SMCHD1: variants seen among roughly 807,000 people sequenced by gnomAD.
SMCHD1 encodes the protein structural maintenance of chromosomes flexible hinge domain containing 1, also known as structural maintenance of chromosomes flexible hinge domain-containing protein 1.
In SMCHD1, 78 loss-of-function variants were observed where a neutral mutation model predicts 254.7. That is an observed-to-expected ratio of 0.31 (90% CI 0.26 to 0.37). SMCHD1 has a LOEUF of 0.37. SMCHD1 is among the 10% of genes least tolerant of loss of function. The probability of loss-of-function intolerance (pLI) is 1.00; values close to 1 mark genes in which losing one functional copy is unlikely to be tolerated. For synonymous variants in SMCHD1, 766 were observed against 794.9 expected (o/e 0.96, Z 0.61); for missense variants, 1,840 against 2,408.1 (o/e 0.76, Z 4.94).
At chr18:2,771,061 T>C (rs749612009) in intron 39 of SMCHD1, among the ~76,000 whole-genome samples, 8 of 152,236 alleles carry the variant, frequency 5.3e-5, no homozygotes, top group Non-Finnish European at 1.0e-4. Context: ...TTTGATCAAG[T>C]TAACCAAGAA....
At chr18:2,661,675 G>A (rs1226659253) in intron 1 of SMCHD1, among the ~76,000 whole-genome samples, 1 of 152,152 alleles carries the variant, frequency 6.6e-6, no homozygotes, top group Non-Finnish European at 1.5e-5. Flanking sequence ...GGCAATACTG[G>A]ATACAATTAG....
At chr18:2,780,238 TAAAAAAAAAAAAAAAA>T (rs56804553) in intron 44 of SMCHD1, among the ~76,000 whole-genome samples, 3 of 69,352 alleles carry the variant, frequency 4.3e-5, no homozygotes, top group Non-Finnish European at 7.4e-5. Flanking sequence ...AGACTCTATC[TAAAAAAAAAAAAAAAA>T]AAAAAAAAAA....
At chr18:2,720,158 G>A (rs1040379991) in intron 19 of SMCHD1, among the ~76,000 whole-genome samples, 1 of 152,080 alleles carries the variant, frequency 6.6e-6, no homozygotes, top group Admixed American at 6.5e-5. Flanking sequence ...CTAATGTTAG[G>A]ATGTTGGATT....
At chr18:2,732,513 G>A (rs1374103236) in intron 25 of SMCHD1, 21 bp downstream of exon 25, 2 of 1,463,622 alleles carry the variant, frequency 1.4e-6, no homozygotes, top group Non-Finnish European at 1.9e-6. Flanking sequence ...CTAACAGATT[G>A]GTTATTTGTA....
intron 5 of SMCHD1, among the ~76,000 whole-genome samples, chr18:2,678,996 C>T (rs1448966945): frequency 6.6e-6 from 1 of 151,184 alleles, no homozygotes; most frequent in African/African-American, 2.4e-5. Flanking sequence ...TACAGGCATG[C>T]ACCACAATGC....
intron 5 of SMCHD1, among the ~76,000 whole-genome samples, chr18:2,679,781 G>GTTTTTGGCCAT (rs2073883584): frequency 6.6e-6 from 1 of 151,996 alleles, no homozygotes; most frequent in Non-Finnish European, 1.5e-5. Context: ...AATTTGGGGA[G>GTTTTTGGCCAT]TTTTTGGCCA....
At chr18:2,717,599 G>A (rs931574952) in intron 17 of SMCHD1, among the ~76,000 whole-genome samples, 37 of 152,304 alleles carry the variant, frequency 2.4e-4, no homozygotes, top group African/African-American at 7.9e-4. Flanking sequence ...ACAGGCATGA[G>A]CCACCACGCT....
At chr18:2,672,857 A>AT (rs2073649431) in intron 3 of SMCHD1, among the ~76,000 whole-genome samples, 1 of 152,208 alleles carries the variant, frequency 6.6e-6, no homozygotes, top group South Asian at 2.1e-4. Context: ...AGTATAGGAA[A>AT]TTTAAAAAAA....
intron 12 of SMCHD1, chr18:2,701,126 G>T: frequency 2.7e-6 from 1 of 369,454 alleles, no homozygotes; most frequent in Admixed American, 4.3e-5. Flanking sequence ...TAAAGACTAG[G>T]TTTGGATAGA....
chr18:2,673,349 A>G lies in SMCHD1; in HGVS notation c.493A>G (p.Ile165Val). The G allele has an allele frequency of 1.9e-6, 3 of 1,542,296 alleles. No individual in the cohort carries two copies. Among genetic ancestry groups the G allele is most frequent in the Non-Finnish European group, 2.6e-6 (3 of 1,133,532 alleles). ...TTCTCGTAACATTGGGGTTAGAAGAATACAGATCAAATTGGTAAGGAAATA... is the reference window on the plus strand; with the variant it reads ...TTCTCGTAACATTGGGGTTAGAAGAGTACAGATCAAATTGGTAAGGAAATA... ...ATSRNIGVRRIQIKLLFDETQ... is the reference protein window; with the variant it reads ...ATSRNIGVRRVQIKLLFDETQ... Residue 165 changes from isoleucine (I) to valine (V), a missense_variant, in exon 4 of 48, where the codon ATA becomes GTA. By Grantham distance (29) the Ile-to-Val change is conservative. Coordinates refer to ENST00000320876, the MANE Select transcript of SMCHD1 (RefSeq NM_015295.3).
Position 2,662,400 on chromosome 18 carries a change from C to CT in SMCHD1, c.187-3754dup, listed in dbSNP as rs559032090. ...GTGGCTCACGCCTCTAATCCCAGCA[C>CT]TTTGGGAGGCCAAGGCAGGGAGATC... On this transcript the variant is annotated intron_variant, in intron 1 of 47. Transcript: ENST00000320876. Among the ~76,000 whole-genome samples the CT allele has an allele frequency of 2.6e-4, 40 of 151,782 alleles. 1 individual carries two copies. In the South Asian group the frequency reaches 8.3e-3, roughly 32 times the overall value.
At chr18:2,668,903 C>G (rs1317399521) in intron 3 of SMCHD1, among the ~76,000 whole-genome samples, 1 of 151,970 alleles carries the variant, frequency 6.6e-6, no homozygotes, top group Non-Finnish European at 1.5e-5. Flanking sequence ...TTCGAGGGTC[C>G]ATATTCTTGA....
intron 37 of SMCHD1, among the ~76,000 whole-genome samples, chr18:2,766,087 G>A (rs754955481): frequency 4.0e-5 from 6 of 150,736 alleles, no homozygotes; most frequent in East Asian, 3.9e-4. Flanking sequence ...TCTGCCTCCC[G>A]GGTTCACGCC....
chr18:2,666,102 A>G, intron 1 of SMCHD1, 55 bp from the exon 2 acceptor site: 1 of 787,854 alleles, frequency 1.3e-6, no homozygotes, highest in Non-Finnish European at 2.1e-6. Flanking sequence ...ATAAATTTGA[A>G]TAATACATTT....
chr18:2,687,402 G>A (rs764999460), intron 5 of SMCHD1, among the ~76,000 whole-genome samples: 3 of 151,970 alleles, frequency 2.0e-5, no homozygotes, highest in African/African-American at 7.2e-5. Flanking sequence ...TTTTTTTCAG[G>A]CACTATAGAG....
At chr18:2,774,512 G>A (rs937702423) in intron 41 of SMCHD1, among the ~76,000 whole-genome samples, 1 of 151,972 alleles carries the variant, frequency 6.6e-6, no homozygotes, top group Non-Finnish European at 1.5e-5. Context: ...TCTGAGCTCA[G>A]GTCATCCTCC....
chr18:2,779,085 T>C (rs1256489847), intron 44 of SMCHD1: 1 of 152,242 alleles, frequency 6.6e-6, no homozygotes, highest in Non-Finnish European at 1.5e-5. Context: ...AAGATTATAG[T>C]GGAGCACAGT....
chr18:2,752,610 C>G (rs2075596245), intron 34 of SMCHD1, 58 bp downstream of exon 34: 1 of 1,146,224 alleles, frequency 8.7e-7, no homozygotes. Context: ...GTAATTCAAC[C>G]CTGGAGATAT....
chr18:2,739,076 C>T (rs1254449144), intron 26 of SMCHD1, among the ~76,000 whole-genome samples: 1 of 152,146 alleles, frequency 6.6e-6, no homozygotes, highest in Non-Finnish European at 1.5e-5. Context: ...TAGGATAGTT[C>T]TGTTTTTGAG....
Sources: allele counts gnomAD v4.1 joint callset (sites outside exome capture counted in the v4.1 genomes callset), GRCh38; gene constraint gnomAD v4.1.1; transcripts MANE v1.5; gene names NCBI Gene and HGNC (gene_info 2026-07-23, HGNC 2026-07-21).